PIK3C2G: variants seen among roughly 807,000 people sequenced by gnomAD.
PIK3C2G encodes phosphatidylinositol 3-kinase C2 domain-containing subunit gamma.
A neutral mutation model predicts 181.1 loss-of-function variants in PIK3C2G; 168 were observed. The observed-to-expected ratio is 0.93, with a 90% CI of 0.82 to 1.05. The LOEUF (loss-of-function observed/expected upper bound fraction) is 1.05. PIK3C2G is among the 50% of genes least tolerant of loss of function. PIK3C2G has a pLI of 0.00. For synonymous variants in PIK3C2G, 573 were observed against 592.2 expected (o/e 0.97, Z 0.47); for missense variants, 1,869 against 1,732.8 (o/e 1.08, Z -1.40).
the PIK3C2G span, among the ~76,000 whole-genome samples, chr12:18,654,759 G>A: frequency 7.9e-5 from 12 of 152,218 alleles, no homozygotes; most frequent in South Asian, 2.5e-3. Flanking sequence ...CTACTCATAA[G>A]GATCAAGATA....
intron 13 of PIK3C2G, among the ~76,000 whole-genome samples, chr12:18,372,200 TGTGTGTGTGTGTGTGGGCAC>T (rs1273303051): frequency 2.0e-5 from 3 of 152,012 alleles, no homozygotes; most frequent in Non-Finnish European, 4.4e-5. Flanking sequence ...TGTGTATGTG[TGTGTGTGTGTGTGTGGGCAC>T]GTGTGTGTGT....
upstream of PIK3C2G, among the ~76,000 whole-genome samples, chr12:18,243,194 C>CTCTG (rs145485948): frequency 6.7e-6 from 1 of 148,224 alleles, no homozygotes; most frequent in African/African-American, 2.5e-5. Context: ...TAAAGTCTTT[C>CTCTG]TGTGTGTGTG....
chr12:18,701,623 C>G, the PIK3C2G span: 2 of 1,498,872 alleles, frequency 1.3e-6, no homozygotes, highest in African/African-American at 1.5e-5. Flanking sequence ...TCCTCCTCCT[C>G]CTCCTCCTCC....
chr12:18,502,150 A>G (rs559238163), intron 22 of PIK3C2G, among the ~76,000 whole-genome samples: 2 of 152,324 alleles, frequency 1.3e-5, no homozygotes, highest in African/African-American at 2.4e-5. Flanking sequence ...TGGGATGTGA[A>G]ATTTCCTTCT....
chr12:18,696,965 T>C, the PIK3C2G span, among the ~76,000 whole-genome samples: 75,373 of 151,930 alleles, frequency 0.5, 20,218 homozygotes, highest in African/African-American at 0.71. Flanking sequence ...CACAGTCTAT[T>C]TTAGTTTCTG....
Position 18,285,596 on chromosome 12 carries a change from T to C in PIK3C2G, c.679-1251T>C, listed in dbSNP as rs1468281330. 3.3e-5 allele frequency among the ~76,000 whole-genome samples: 5 copies of C among 152,058 alleles called. No individual in the cohort carries two copies. In the East Asian group the frequency reaches 9.6e-4, roughly 29 times the overall value. ...GGGGTTAAATGTTATTTTGCTATTG[T>C]AAATTCTTACATATTAAATGCAATG... On this transcript the variant is annotated intron_variant, in intron 2 of 32. Transcript: ENST00000538779.
chr12:18,683,168 A>G, the PIK3C2G span: 1 of 1,307,132 alleles, frequency 7.7e-7, no homozygotes, highest in Non-Finnish European at 1.1e-6. Flanking sequence ...TAAAAAAGAA[A>G]ACATAAAGAC....
chr12:18,682,871 T>G, the PIK3C2G span, among the ~76,000 whole-genome samples: 1 of 152,026 alleles, frequency 6.6e-6, no homozygotes, highest in Non-Finnish European at 1.5e-5. Flanking sequence ...GTTAAAACAC[T>G]CTTAGATTTC....
chr12:18,339,815 A>G (rs1355332178), intron 9 of PIK3C2G, among the ~76,000 whole-genome samples: 2 of 152,148 alleles, frequency 1.3e-5, no homozygotes, highest in Non-Finnish European at 2.9e-5. Context: ...GAACAATGAC[A>G]ATGAAGATTT....
At chr12:18,690,679 T>C in the PIK3C2G span, among the ~76,000 whole-genome samples, 2 of 152,182 alleles carry the variant, frequency 1.3e-5, no homozygotes, top group Non-Finnish European at 2.9e-5. Context: ...ACAGCTAACC[T>C]AGCCTAGGAA....
In PIK3C2G at chr12:18,397,367, C is replaced by A. The variant is rs189708819; in HGVS notation, c.2127-2292C>A. Among the ~76,000 whole-genome samples the A allele has an allele frequency of 2.2e-4, 34 of 151,938 alleles. No individual in the cohort carries two copies. The East Asian group carries it at 6.2e-3, about 28-fold the overall frequency. ...CCCATTAAAGAAATCTATAGGCAAG[C>A]CACATTCTGAGAAAAATATGTGCAA... On this transcript the variant is annotated intron_variant, in intron 15 of 32. Transcript: ENST00000538779.
intron 24 of PIK3C2G, among the ~76,000 whole-genome samples, chr12:18,523,408 T>A (rs1001074768): frequency 4.6e-5 from 7 of 152,216 alleles, no homozygotes; most frequent in Admixed American, 6.5e-5. Flanking sequence ...TACTATTTAG[T>A]ATAACCTAGA....
the PIK3C2G span, among the ~76,000 whole-genome samples, chr12:18,664,835 T>G: frequency 6.6e-6 from 1 of 151,226 alleles, no homozygotes; most frequent in Non-Finnish European, 1.5e-5. Context: ...CCACAAAAAA[T>G]GATGAGTTCA....
At chr12:18,500,014 G>A (rs908159658) in intron 22 of PIK3C2G, among the ~76,000 whole-genome samples, 2 of 152,254 alleles carry the variant, frequency 1.3e-5, no homozygotes, top group African/African-American at 4.8e-5. Flanking sequence ...CTCGCTCTCG[G>A]CGCCTCCTCT....
chr12:18,698,195 T>C, the PIK3C2G span, among the ~76,000 whole-genome samples: 1 of 151,904 alleles, frequency 6.6e-6, no homozygotes, highest in African/African-American at 2.4e-5. Flanking sequence ...CGATGCACAA[T>C]TGCTTCATAA....
intron 18 of PIK3C2G, among the ~76,000 whole-genome samples, chr12:18,464,811 A>C (rs1430221603): frequency 6.6e-6 from 1 of 152,058 alleles, no homozygotes; most frequent in Non-Finnish European, 1.5e-5. Flanking sequence ...TGTACTCTGT[A>C]GTATAAATGC....
intron 26 of PIK3C2G, among the ~76,000 whole-genome samples, chr12:18,553,876 A>G (rs1441644254): frequency 6.6e-6 from 1 of 152,088 alleles, no homozygotes; most frequent in African/African-American, 2.4e-5. Context: ...ACTCATTGGT[A>G]GTAGATTTTC....
chr12:18,655,847 C>T, the PIK3C2G span, among the ~76,000 whole-genome samples: 38 of 151,562 alleles, frequency 2.5e-4, 1 homozygote, highest in South Asian at 7.9e-3. Flanking sequence ...TCATAAAAAG[C>T]AAAGAATGCC....
chr12:18,504,116 G>A (rs1941678684), intron 23 of PIK3C2G, among the ~76,000 whole-genome samples: 1 of 152,092 alleles, frequency 6.6e-6, no homozygotes, highest in South Asian at 2.1e-4. Flanking sequence ...CCTGTGCACT[G>A]AAATCCCCTT....
Sources: gnomAD v4.1 joint callset for allele counts (sites outside exome capture counted in the v4.1 genomes callset) on GRCh38, gnomAD v4.1.1 for gene constraint, MANE v1.5 for transcripts, NCBI Gene and HGNC (gene_info 2026-07-23, HGNC 2026-07-21) for gene names.